SGMS2: variants seen among roughly 807,000 people sequenced by gnomAD.
The protein encoded by SGMS2 is phosphatidylcholine:ceramide cholinephosphotransferase 2.
In SGMS2, 21 loss-of-function variants were observed where a neutral mutation model predicts 43.8. The observed-to-expected ratio is 0.48, with a 90% CI of 0.34 to 0.69. The LOEUF (loss-of-function observed/expected upper bound fraction) is 0.69, where lower values mean the gene tolerates loss of function less well. SGMS2 is among the 30% of genes least tolerant of loss of function. The pLI is 0.01. For synonymous variants in SGMS2, 167 were observed against 160.6 expected (o/e 1.04, Z -0.30); for missense variants, 384 against 443.2 (o/e 0.87, Z 1.20).
At chr4:107,872,206 T>C (rs1193971655) in intron 2 of SGMS2, among the ~76,000 whole-genome samples, 2 of 152,170 alleles carry the variant, frequency 1.3e-5, no homozygotes, top group Non-Finnish European at 1.5e-5. Flanking sequence ...TTTGACTTGA[T>C]GTTGCACTGA....
intron 1 of SGMS2, among the ~76,000 whole-genome samples, chr4:107,838,710 T>C (rs74477831): frequency 1.4e-5 from 2 of 145,536 alleles, no homozygotes; most frequent in Admixed American, 6.9e-5. Flanking sequence ...GAGTTTATCC[T>C]TTTTTTTTTT....
intron 1 of SGMS2, among the ~76,000 whole-genome samples, chr4:107,838,699 A>G (rs1726335264): frequency 6.6e-6 from 1 of 151,738 alleles, no homozygotes. Flanking sequence ...TGCCTTGAGC[A>G]GAGTTTATCC....
intron 1 of SGMS2, among the ~76,000 whole-genome samples, chr4:107,849,430 CCCCA>C (rs1327411818): frequency 6.6e-6 from 1 of 152,056 alleles, no homozygotes; most frequent in Non-Finnish European, 1.5e-5. Flanking sequence ...ATTTAAGTAG[CCCCA>C]TGTACCTTGT....
intron 2 of SGMS2, among the ~76,000 whole-genome samples, chr4:107,882,018 CA>C (rs1729396358): frequency 6.6e-6 from 1 of 152,160 alleles, no homozygotes; most frequent in Admixed American, 6.6e-5. Flanking sequence ...CATCAGTGGA[CA>C]CTTATGTTGC....
rs1265062097 is a variant in SGMS2 at position 107,914,214 on chromosome 4, A to G, written c.*3661A>G. 2.6e-5 allele frequency: 4 copies of G among 152,192 alleles called. No homozygotes were observed. The highest frequency in any genetic ancestry group is 2.1e-4 in the South Asian group (1 of 4,828). The allele number at this position is 152,192 out of a possible 1,614,324, so 9.4% of individuals were successfully genotyped here. ...CACCCAAACACTGAAAATCATGTCA[A>G]TGTTACCCAAAGATAAGTTTTTATA... On this transcript the variant is annotated 3_prime_UTR_variant, in exon 7 of 7. Coordinates refer to ENST00000690982, the MANE Select transcript of SGMS2 (RefSeq NM_001375905.1).
chr4:107,859,747 A>G (rs1727623656), intron 2 of SGMS2, among the ~76,000 whole-genome samples: 1 of 152,174 alleles, frequency 6.6e-6, no homozygotes, highest in Admixed American at 6.5e-5. Context: ...GGCACAGAGG[A>G]CTTGCCTCGC....
chr4:107,904,250 G>A (rs909086487), intron 5 of SGMS2, among the ~76,000 whole-genome samples: 1 of 152,122 alleles, frequency 6.6e-6, no homozygotes, highest in Non-Finnish European at 1.5e-5. Flanking sequence ...CCTCATGGCA[G>A]TATTTTTTGG....
intron 2 of SGMS2, among the ~76,000 whole-genome samples, chr4:107,885,691 T>A (rs1371626052): frequency 6.6e-6 from 1 of 152,102 alleles, no homozygotes; most frequent in Non-Finnish European, 1.5e-5. Context: ...AGGTAATGAC[T>A]AAAAGGCAGA....
At chr4:107,895,277 T>C (rs999826812) in intron 2 of SGMS2, 33 bp from the exon 3 acceptor site, 2 of 384,330 alleles carry the variant, frequency 5.2e-6, no homozygotes, top group Non-Finnish European at 9.3e-6. Flanking sequence ...TGGACAAGCA[T>C]AGTTTCTGAA....
At chr4:107,874,326 G>GCAA (rs1728759951) in intron 2 of SGMS2, among the ~76,000 whole-genome samples, 1 of 152,158 alleles carries the variant, frequency 6.6e-6, no homozygotes, top group African/African-American at 2.4e-5. Context: ...ACTTTGCTTT[G>GCAA]CAACTTTGTG....
chr4:107,828,805 A>G (rs894448182), intron 1 of SGMS2, among the ~76,000 whole-genome samples: 14 of 152,252 alleles, frequency 9.2e-5, no homozygotes, highest in African/African-American at 3.4e-4. Context: ...TTCCTTTAGC[A>G]TATCTCATAA....
At chr4:107,872,582 A>T (rs1240993770) in intron 2 of SGMS2, among the ~76,000 whole-genome samples, 1 of 152,106 alleles carries the variant, frequency 6.6e-6, no homozygotes, top group African/African-American at 2.4e-5. Flanking sequence ...AGGCAGGAGG[A>T]TTGCTTGAGC....
At position 107,908,562 on chromosome 4, in the gene SGMS2, C is replaced by T; in HGVS notation, c.728-3C>T. On this transcript the variant is annotated splice_region_variant and splice_polypyrimidine_tract_variant and intron_variant, in intron 5 of 6. Coordinates refer to ENST00000690982, the MANE Select transcript of SGMS2 (RefSeq NM_001375905.1). ...TTAACTCTGTAATTTTTCTACTGTC[C>T]AGATTCGCCTCGTCACTTCTGGTGG... 1.9e-6 allele frequency: 3 copies of T among 1,611,918 alleles called. No homozygotes were observed. The highest frequency in any genetic ancestry group is 2.5e-6 in the Non-Finnish European group (3 of 1,178,928).
intron 2 of SGMS2, among the ~76,000 whole-genome samples, chr4:107,884,705 A>G (rs918393228): frequency 6.6e-6 from 1 of 152,104 alleles, no homozygotes; most frequent in African/African-American, 2.4e-5. Flanking sequence ...TTATCTACCT[A>G]TGACCTGGAA....
At chr4:107,846,347 G>A (rs1488273861) in intron 1 of SGMS2, among the ~76,000 whole-genome samples, 2 of 142,430 alleles carry the variant, frequency 1.4e-5, no homozygotes, top group Non-Finnish European at 3.0e-5. Context: ...CCATCTATGA[G>A]TGAGAACATG....
intron 3 of SGMS2, 63 bp from the exon 4 acceptor site, chr4:107,899,512 T>A: frequency 1.8e-6 from 2 of 1,099,980 alleles, no homozygotes; most frequent in Non-Finnish European, 1.4e-6. Flanking sequence ...ATTGTTTTAT[T>A]TTTCATTAGG....
chr4:107,825,628 T>G (rs1416191119), intron 1 of SGMS2, among the ~76,000 whole-genome samples: 1 of 143,306 alleles, frequency 7.0e-6, no homozygotes, highest in Non-Finnish European at 1.5e-5. Context: ...CTCTTTTTTT[T>G]TTTTTTTTTT....
intron 2 of SGMS2, among the ~76,000 whole-genome samples, chr4:107,887,651 A>T (rs901609966): frequency 1.3e-5 from 2 of 152,202 alleles, no homozygotes; most frequent in Non-Finnish European, 1.5e-5. Context: ...AAAGTTTGTC[A>T]AATATCAAAA....
At chr4:107,844,431 G>T (rs934873553) in intron 1 of SGMS2, among the ~76,000 whole-genome samples, 5 of 152,248 alleles carry the variant, frequency 3.3e-5, no homozygotes, top group African/African-American at 1.2e-4. Context: ...GATGGACATG[G>T]TGGCTCACAC....
Sources: gnomAD v4.1 joint callset for allele counts (sites outside exome capture counted in the v4.1 genomes callset) on GRCh38, gnomAD v4.1.1 for gene constraint, MANE v1.5 for transcripts, NCBI Gene and HGNC (gene_info 2026-07-23, HGNC 2026-07-21) for gene names.